MEI4: variants seen among roughly 807,000 people sequenced by gnomAD.
The protein encoded by MEI4 is meiotic double-stranded break formation protein 4.
MEI4 carries 27 observed loss-of-function variants against 31.4 expected under a neutral mutation model. That is an observed-to-expected ratio of 0.86 (90% CI 0.63 to 1.19). The LOEUF is 1.19. Among genes scored for constraint, MEI4 ranks in the 50% most tolerant of loss-of-function variants. MEI4 has a pLI of 0.00. For missense variants in MEI4, 329 were observed against 398.9 expected, an observed-to-expected ratio of 0.82 and a Z score of 1.49; for synonymous variants, 122 against 145.4, an observed-to-expected ratio of 0.84 and a Z score of 1.16.
rs70974681 is a variant in MEI4, at chr6:77,686,875, C to CTTTTTTTTTTTTTTTTTTT, written c.-14-3774_-14-3773insTTTTTTTTTTTTTTTTTTT. ...TCTTGAATAGGAATGGTCTGTGGCTCTTTTTTTTTGTAGATGTTTCATCAG... is the reference window on the plus strand; with the variant it reads ...TCTTGAATAGGAATGGTCTGTGGCTCTTTTTTTTTTTTTTTTTTTTTTTTTTTTGTAGATGTTTCATCAG... On this transcript the variant is annotated intron_variant, in intron 1 of 4. Coordinates refer to ENST00000684080, the MANE Select transcript of MEI4 (RefSeq NM_001322247.2). 9.1e-4 allele frequency among the ~76,000 whole-genome samples: 121 copies of CTTTTTTTTTTTTTTTTTTT among 132,460 alleles called. 1 individual carries two copies. The highest frequency in any genetic ancestry group is 1.2e-3 in the East Asian group (5 of 4,204). The allele number at this position is 132,460 out of a possible 152,430, so 86.9% of individuals were successfully genotyped here.
intron 2 of MEI4, among the ~76,000 whole-genome samples, chr6:77,740,071 C>G (rs1767359765): frequency 6.6e-6 from 1 of 152,186 alleles, no homozygotes; most frequent in African/African-American, 2.4e-5. Context: ...CAAAGTCATT[C>G]AGGAGCAGGT....
At chr6:77,655,483 C>T (rs1367710972) in intron 1 of MEI4, among the ~76,000 whole-genome samples, 1 of 152,136 alleles carries the variant, frequency 6.6e-6, no homozygotes, top group Non-Finnish European at 1.5e-5. Flanking sequence ...TAATCTTAAT[C>T]CTTTTTATAC....
intron 4 of MEI4, among the ~76,000 whole-genome samples, chr6:77,872,566 A>AT (rs1177749419): frequency 4.0e-5 from 6 of 151,736 alleles, no homozygotes; most frequent in Admixed American, 2.6e-4. Flanking sequence ...TTATTTTTTT[A>AT]TTTTTTATTT....
intron 4 of MEI4, among the ~76,000 whole-genome samples, chr6:77,835,093 T>A (rs1770182014): frequency 6.7e-6 from 1 of 150,076 alleles, no homozygotes; most frequent in African/African-American, 2.4e-5. Context: ...TAATTATAAT[T>A]CTATATTATA....
At chr6:77,741,235 A>T (rs577564270) in intron 2 of MEI4, among the ~76,000 whole-genome samples, 6 of 152,292 alleles carry the variant, frequency 3.9e-5, no homozygotes, top group African/African-American at 1.4e-4. Context: ...GGAAGGCTGG[A>T]GAAGGACGAA....
chr6:77,756,105 G>T (rs1767909877), intron 2 of MEI4, among the ~76,000 whole-genome samples: 1 of 152,084 alleles, frequency 6.6e-6, no homozygotes, highest in Admixed American at 6.6e-5. Flanking sequence ...TACAAGCAAA[G>T]AATAGAATCT....
At chr6:77,830,788 C>T (rs981787348) in intron 4 of MEI4, among the ~76,000 whole-genome samples, 12 of 151,976 alleles carry the variant, frequency 7.9e-5, no homozygotes, top group Non-Finnish European at 1.8e-4. Flanking sequence ...AGATCTGAAA[C>T]TATGCAACTA....
At chr6:77,793,938 G>C (rs1024416063) in intron 3 of MEI4, among the ~76,000 whole-genome samples, 1 of 152,122 alleles carries the variant, frequency 6.6e-6, no homozygotes, top group Admixed American at 6.6e-5. Flanking sequence ...GTCCTTACCT[G>C]TCAATAATTC....
chr6:77,652,493 T>A (rs959636068), upstream of MEI4, among the ~76,000 whole-genome samples: 4 of 152,134 alleles, frequency 2.6e-5, no homozygotes, highest in Non-Finnish European at 5.9e-5. Context: ...TGAACATTAT[T>A]ACGTATTGAA....
At chr6:77,757,283 G>A (rs1228266418) in intron 2 of MEI4, among the ~76,000 whole-genome samples, 1 of 152,176 alleles carries the variant, frequency 6.6e-6, no homozygotes, top group African/African-American at 2.4e-5. Flanking sequence ...GAGCCATATT[G>A]TGTAAAATCC....
At chr6:77,875,814 C>A (rs559989207) in intron 4 of MEI4, among the ~76,000 whole-genome samples, 1 of 152,094 alleles carries the variant, frequency 6.6e-6, no homozygotes, top group Non-Finnish European at 1.5e-5. Flanking sequence ...ACCCTTTAAT[C>A]TTGGCACTTT....
At chr6:77,902,686 A>G (rs1437892507) in intron 4 of MEI4, among the ~76,000 whole-genome samples, 1 of 152,160 alleles carries the variant, frequency 6.6e-6, no homozygotes, top group African/African-American at 2.4e-5. Context: ...TCACTGAGAT[A>G]AATGGATATC....
chr6:77,735,279 C>T (rs9352520), intron 2 of MEI4, among the ~76,000 whole-genome samples: 45,923 of 151,088 alleles, frequency 0.3, 7,097 homozygotes, highest in East Asian at 0.48. Flanking sequence ...ACCAATCAGA[C>T]GTAGATTTGG....
intron 4 of MEI4, among the ~76,000 whole-genome samples, chr6:77,864,952 G>A (rs1770978178): frequency 6.6e-6 from 1 of 152,092 alleles, no homozygotes. Context: ...CAACTACATG[G>A]AAACTGAACA....
intron 4 of MEI4, among the ~76,000 whole-genome samples, chr6:77,859,351 A>G (rs1770815182): frequency 6.6e-6 from 1 of 152,164 alleles, no homozygotes; most frequent in Non-Finnish European, 1.5e-5. Flanking sequence ...TCTTTAGAGT[A>G]GAATGATTTA....
intron 4 of MEI4, among the ~76,000 whole-genome samples, chr6:77,904,825 C>G (rs111626092): frequency 7.9e-5 from 12 of 152,220 alleles, no homozygotes; most frequent in African/African-American, 2.9e-4. Flanking sequence ...TTTTCAGTTT[C>G]ACAATTTGCA....
At chr6:77,916,839 T>A (rs1034069498) in intron 4 of MEI4, among the ~76,000 whole-genome samples, 2 of 151,832 alleles carry the variant, frequency 1.3e-5, no homozygotes, top group Non-Finnish European at 2.9e-5. Context: ...TACATATGTA[T>A]ACATGTGGCA....
intron 3 of MEI4, among the ~76,000 whole-genome samples, chr6:77,815,397 G>A (rs760252556): frequency 7.9e-5 from 12 of 152,106 alleles, no homozygotes; most frequent in Non-Finnish European, 1.8e-4. Context: ...TCATTAAAGG[G>A]CATAACATTA....
chr6:77,841,297 A>C (rs1562008514), intron 4 of MEI4, among the ~76,000 whole-genome samples: 1 of 131,432 alleles, frequency 7.6e-6, no homozygotes. Context: ...TATACTGAGA[A>C]AGGTTACAAA....
Sources: gnomAD v4.1 joint callset for allele counts (sites outside exome capture counted in the v4.1 genomes callset) on GRCh38, gnomAD v4.1.1 for gene constraint, MANE v1.5 for transcripts, NCBI Gene and HGNC (gene_info 2026-07-23, HGNC 2026-07-21) for gene names.